CASP6: variants seen among roughly 807,000 people sequenced by gnomAD.
CASP6 encodes caspase-6.
In CASP6, 20 loss-of-function variants were observed where a neutral mutation model predicts 31.8. The observed-to-expected ratio is 0.63, with a 90% CI of 0.44 to 0.91. The LOEUF is 0.91. CASP6 is among the 40% of genes least tolerant of loss of function. The pLI, the probability that CASP6 is intolerant of heterozygous loss-of-function variation, is 0.00. For missense variants in CASP6, 328 were observed against 361.1 expected (o/e 0.91, Z 0.74); for synonymous variants, 130 against 127.8 (o/e 1.02, Z -0.12).
At chr4:109,697,823 C>T in intron 2 of CASP6, 55 bp from the exon 3 acceptor site, 1 of 1,572,240 alleles carries the variant, frequency 6.4e-7, no homozygotes, top group Non-Finnish European at 8.6e-7. Flanking sequence ...ATAATGAGCC[C>T]CTCCAAGTTC....
chr4:109,705,244 CTAGT>C (rs527769261), upstream of CASP6, among the ~76,000 whole-genome samples: 22 of 152,292 alleles, frequency 1.4e-4, no homozygotes, highest in South Asian at 4.1e-4. Flanking sequence ...CCAACAAAGG[CTAGT>C]TAGTGACAGC....
chr4:109,683,844 T>A (rs1729771528), downstream of CASP6, among the ~76,000 whole-genome samples: 1 of 152,162 alleles, frequency 6.6e-6, no homozygotes, highest in African/African-American at 2.4e-5. Flanking sequence ...GCCTCTAATT[T>A]TAGTTGGGTT....
upstream of CASP6, chr4:109,703,577 T>C (rs1730505469): frequency 2.8e-6 from 2 of 720,174 alleles, no homozygotes; most frequent in Non-Finnish European, 4.4e-6. Context: ...TTCCCAGAGT[T>C]AAAGCTCCTC....
intron 5 of CASP6, among the ~76,000 whole-genome samples, chr4:109,694,199 G>A (rs1270032268): frequency 6.6e-6 from 1 of 152,162 alleles, no homozygotes; most frequent in Admixed American, 6.5e-5. Flanking sequence ...CTAGTCTGAT[G>A]AGGTTGCCTT....
chr4:109,706,767 G>C (rs531565760), upstream of CASP6, among the ~76,000 whole-genome samples: 1 of 152,272 alleles, frequency 6.6e-6, no homozygotes, highest in South Asian at 2.1e-4. Context: ...AATTAGCCGG[G>C]CACGGTGGCA....
At chr4:109,682,731 C>A in the CASP6 span, 1 of 1,612,538 alleles carries the variant, frequency 6.2e-7, no homozygotes, top group Admixed American at 1.7e-5. Context: ...ACAGCTGCAG[C>A]CCCTTGAACA....
chr4:109,671,735 GTC>G, the CASP6 span, among the ~76,000 whole-genome samples: 1 of 152,040 alleles, frequency 6.6e-6, no homozygotes, highest in Non-Finnish European at 1.5e-5. Flanking sequence ...TGCTTGTTTT[GTC>G]TCTTCAAACT....
At chr4:109,708,059 G>T (rs1730654400), upstream of CASP6, among the ~76,000 whole-genome samples, 1 of 152,118 alleles carries the variant, frequency 6.6e-6, no homozygotes, top group Non-Finnish European at 1.5e-5. Context: ...ATTAAAATAA[G>T]TATAATGAAT....
At chr4:109,706,131 T>TATATA (rs60918624), upstream of CASP6, among the ~76,000 whole-genome samples, 322 of 36,040 alleles carry the variant, frequency 8.9e-3, 34 homozygotes, top group African/African-American at 0.019. Flanking sequence ...CCTATCCATT[T>TATATA]TATATATATA....
chr4:109,664,417 T>A, the CASP6 span: 5 of 856,746 alleles, frequency 5.8e-6, no homozygotes, highest in South Asian at 1.6e-5. Context: ...GCTATCCAAC[T>A]ATTACTTTTT....
chr4:109,694,739 T>G (rs750714539), intron 4 of CASP6, 39 bp from the exon 5 acceptor site: 6 of 1,451,486 alleles, frequency 4.1e-6, no homozygotes, highest in Non-Finnish European at 5.5e-6. Context: ...AATGAAAATA[T>G]GATGCTTGTT....
chr4:109,685,309 C>A, downstream of CASP6: 1 of 1,594,746 alleles, frequency 6.3e-7, no homozygotes, highest in South Asian at 1.1e-5. Context: ...CACAAGAAAT[C>A]AAAGCAACAG....
At chr4:109,697,809 T>A in intron 2 of CASP6, 41 bp from the exon 3 acceptor site, 2 of 1,595,546 alleles carry the variant, frequency 1.3e-6, no homozygotes, top group African/African-American at 1.3e-5. Context: ...TCAAGTCATA[T>A]TAAATAATGA....
At chr4:109,698,048 G>A (rs148712287) in intron 2 of CASP6, among the ~76,000 whole-genome samples, 33 of 152,238 alleles carry the variant, frequency 2.2e-4, no homozygotes, top group Non-Finnish European at 3.5e-4. Flanking sequence ...GAATAACCAC[G>A]AGGCTCAGAA....
the CASP6 span, chr4:109,682,594 A>G: frequency 1.2e-6 from 2 of 1,608,646 alleles, no homozygotes; most frequent in Non-Finnish European, 1.7e-6. Flanking sequence ...AAACCAAGTA[A>G]TGAGCACACT....
chr4:109,681,529 T>G, the CASP6 span: 1 of 435,464 alleles, frequency 2.3e-6, no homozygotes, highest in South Asian at 1.7e-5. Context: ...TGACCTGGGG[T>G]TCTTGGCCTC....
chr4:109,706,174 C>CACACAT (rs1554022994), upstream of CASP6, among the ~76,000 whole-genome samples: 4 of 91,912 alleles, frequency 4.4e-5, 1 homozygote, highest in African/African-American at 2.1e-4. Flanking sequence ...TATATATACA[C>CACACAT]ACACACATAT....
upstream of CASP6, chr4:109,703,458 CCGGCCCCGCCCTCGGCCCTTCCTCGG>C (rs1301061976): frequency 7.7e-5 from 121 of 1,573,734 alleles, no homozygotes; most frequent in Middle Eastern, 3.3e-3. Context: ...GCTCCCGGGC[CCGGCCCCGCCCTCGGCCCTTCCTCGG>C]CGGCCCCGCC....
intron 6 of CASP6, among the ~76,000 whole-genome samples, chr4:109,690,416 G>T (rs550959943): frequency 2.0e-5 from 3 of 151,990 alleles, no homozygotes; most frequent in Admixed American, 6.6e-5. Context: ...CCAGCTACAG[G>T]GGGGCTGAGG....
Sources: gnomAD v4.1 joint callset for allele counts (sites outside exome capture counted in the v4.1 genomes callset) on GRCh38, gnomAD v4.1.1 for gene constraint, MANE v1.5 for transcripts, NCBI Gene and HGNC (gene_info 2026-07-23, HGNC 2026-07-21) for gene names.